The following CSMD3 variants were observed in gnomAD, a reference collection of about 807,000 sequenced individuals.
The protein encoded by CSMD3 is CUB and sushi domain-containing protein 3.
A neutral mutation model predicts 435.2 loss-of-function variants in CSMD3; 177 were observed. The observed-to-expected ratio is 0.41, with a 90% CI of 0.36 to 0.46. CSMD3 has a LOEUF of 0.46. Ranked by LOEUF, CSMD3 falls within the 20% of genes least tolerant of loss-of-function variation. The probability of loss-of-function intolerance (pLI) is 0.34; values close to 1 mark genes in which losing one functional copy is unlikely to be tolerated. For synonymous variants in CSMD3, 1,656 were observed against 1,520.5 expected (o/e 1.09, Z -2.07); for missense variants, 4,265 against 4,504.6 (o/e 0.95, Z 1.52).
At chr8:112,991,704 A>G (rs138109862) in intron 6 of CSMD3, among the ~76,000 whole-genome samples, 2 of 152,002 alleles carry the variant, frequency 1.3e-5, no homozygotes, top group Non-Finnish European at 2.9e-5. Flanking sequence ...GTAGAAAACA[A>G]AAGATGAGAC....
Position 112,630,715 on chromosome 8 carries a change from T to C in CSMD3, c.3715+6102A>G, listed in dbSNP as rs2074490064. ...AAGGAGTGAAAGATAATACAATTTC[T>C]AGCTTGGATGATTGAATAAGAATGA... On this transcript the variant is annotated intron_variant, in intron 22 of 70. Coordinates refer to ENST00000297405, the MANE Select transcript of CSMD3 (RefSeq NM_198123.2). 2.6e-5 allele frequency among the ~76,000 whole-genome samples: 4 copies of C among 152,084 alleles called. No individual in the cohort carries two copies. In the South Asian group the frequency reaches 8.3e-4, roughly 32 times the overall value.
At chr8:112,818,270 G>A (rs2079435270) in intron 12 of CSMD3, among the ~76,000 whole-genome samples, 1 of 152,008 alleles carries the variant, frequency 6.6e-6, no homozygotes, top group Non-Finnish European at 1.5e-5. Context: ...GATATATTAT[G>A]TGTTTATTAA....
chr8:113,038,159 T>A (rs879731816), intron 5 of CSMD3, among the ~76,000 whole-genome samples: 3 of 152,134 alleles, frequency 2.0e-5, no homozygotes, highest in Non-Finnish European at 4.4e-5. Flanking sequence ...TCAGTCAACA[T>A]ACGTATTACT....
chr8:112,450,381 T>C (rs915463935), intron 32 of CSMD3, among the ~76,000 whole-genome samples: 3 of 152,202 alleles, frequency 2.0e-5, no homozygotes, highest in East Asian at 1.9e-4. Flanking sequence ...CACCAGAAAA[T>C]AGGGGTTTTA....
intron 3 of CSMD3, among the ~76,000 whole-genome samples, chr8:113,237,425 G>A (rs1041831798): frequency 6.6e-6 from 1 of 152,204 alleles, no homozygotes; most frequent in Non-Finnish European, 1.5e-5. Flanking sequence ...CACTAGGAAA[G>A]AAATGAGTGA....
At chr8:113,069,279 G>A (rs1197703523) in intron 5 of CSMD3, among the ~76,000 whole-genome samples, 1 of 152,078 alleles carries the variant, frequency 6.6e-6, no homozygotes, top group Non-Finnish European at 1.5e-5. Context: ...TACAGTGAAG[G>A]AAACAAACAC....
At chr8:112,869,376 C>T (rs1401158966) in intron 10 of CSMD3, among the ~76,000 whole-genome samples, 1 of 151,952 alleles carries the variant, frequency 6.6e-6, no homozygotes, top group African/African-American at 2.4e-5. Flanking sequence ...ATCTATGACC[C>T]CAAAATAAAA....
intron 17 of CSMD3, among the ~76,000 whole-genome samples, chr8:112,661,018 G>T (rs966890491): frequency 6.6e-6 from 1 of 152,014 alleles, no homozygotes; most frequent in Non-Finnish European, 1.5e-5. Flanking sequence ...CTCACCCAAG[G>T]CCTATTCTGA....
In CSMD3 at chr8:112,492,663, A is replaced by C. The variant is rs760128306; in HGVS notation, c.5104T>G (p.Phe1702Val). The C allele has an allele frequency of 5.0e-6, 8 of 1,613,858 alleles. No homozygotes were observed. In the East Asian group the frequency reaches 1.6e-4, roughly 31 times the overall value. ...EYKAKLRESC[F>V]DPGNIMNGTR... is the part of the protein sequence containing the mutation. ...CCATTCATTATATTGCCTGGATCAA[A>C]GCAGGACTCTCGCAGTTTTGCTGTA... The change falls in exon 31 of 71, where the codon TTT (phenylalanine) becomes GTT (valine). Residue 1702 changes from phenylalanine (F) to valine (V), a missense_variant. Physicochemically the swap from Phe to Val is conservative, Grantham distance 50. Around this residue, in one of 3 missense-constraint regions of CSMD3, gnomAD observed 3,255 missense variants for 3,380.2 expected, o/e 0.96. Coordinates refer to ENST00000297405, the MANE Select transcript of CSMD3 (RefSeq NM_198123.2).
intron 27 of CSMD3, among the ~76,000 whole-genome samples, chr8:112,526,442 C>T (rs572706505): frequency 6.6e-6 from 1 of 151,920 alleles, no homozygotes; most frequent in Non-Finnish European, 1.5e-5. Flanking sequence ...CACAAACACA[C>T]ACCACTTAGT....
At chr8:113,405,024 T>C (rs193076438) in intron 1 of CSMD3, among the ~76,000 whole-genome samples, 2 of 151,648 alleles carry the variant, frequency 1.3e-5, no homozygotes, top group East Asian at 1.9e-4. Context: ...TGTCTAGATA[T>C]GCTAGGATTT....
intron 5 of CSMD3, among the ~76,000 whole-genome samples, chr8:113,066,808 G>GAA (rs138463856): frequency 6.6e-6 from 1 of 151,616 alleles, no homozygotes; most frequent in East Asian, 1.9e-4. Context: ...AGTAGAGCTA[G>GAA]AAAAAAAACA....
At chr8:112,390,829 G>A (rs763169561) in intron 35 of CSMD3, 41 bp from the exon 36 acceptor site, 17 of 1,588,796 alleles carry the variant, frequency 1.1e-5, no homozygotes, top group Non-Finnish European at 1.2e-5. Flanking sequence ...TAATTCTAAT[G>A]CAAAGGATTA....
At chr8:113,304,033 C>A (rs1276791319) in intron 2 of CSMD3, among the ~76,000 whole-genome samples, 1 of 140,922 alleles carries the variant, frequency 7.1e-6, no homozygotes, top group Non-Finnish European at 1.5e-5. Flanking sequence ...GGCTAATATC[C>A]CAGAATCTAC....
At chr8:112,614,023 G>A (rs763912163) in intron 22 of CSMD3, among the ~76,000 whole-genome samples, 15 of 152,108 alleles carry the variant, frequency 9.9e-5, no homozygotes, top group Non-Finnish European at 1.9e-4. Flanking sequence ...TATGTGCTAA[G>A]GAGAATAAGC....
At chr8:112,366,613 G>A (rs1164564778) in intron 38 of CSMD3, among the ~76,000 whole-genome samples, 4 of 152,082 alleles carry the variant, frequency 2.6e-5, no homozygotes, top group African/African-American at 4.8e-5. Flanking sequence ...GGCCAGGTTC[G>A]TCTCAACCTC....
chr8:113,173,636 A>G (rs2092303934), intron 4 of CSMD3, 86 bp downstream of exon 4: 1 of 1,113,116 alleles, frequency 9.0e-7, no homozygotes. Flanking sequence ...TATCCTTTAG[A>G]TTCCGTAGAA....
chr8:113,258,097 A>G (rs2132339055), intron 3 of CSMD3, among the ~76,000 whole-genome samples: 2 of 152,330 alleles, frequency 1.3e-5, no homozygotes, highest in South Asian at 4.1e-4. Flanking sequence ...ATAAAAAATG[A>G]TATGAATTCC....
intron 1 of CSMD3, among the ~76,000 whole-genome samples, chr8:113,426,253 GC>G (rs1416447551): frequency 2.0e-5 from 3 of 151,446 alleles, no homozygotes; most frequent in Middle Eastern, 3.4e-3. Flanking sequence ...ATTCAGAGAA[GC>G]CATTTCTGCA....
Sources: gnomAD v4.1 joint callset for allele counts (sites outside exome capture counted in the v4.1 genomes callset) on GRCh38, gnomAD v4.1.1 for gene constraint, gnomAD v4.1.1 regional missense constraint, MANE v1.5 for transcripts, NCBI Gene and HGNC (gene_info 2026-07-23, HGNC 2026-07-21) for gene names.